Variants in HEMK2 observed in about 807,000 individuals in gnomAD.
HEMK2 encodes methyltransferase HEMK2.
At chr21:28,761,480 A>G in the HEMK2 span, among the ~76,000 whole-genome samples, 16,867 of 152,094 alleles carry the variant, frequency 0.11, 1,511 homozygotes, top group African/African-American at 0.23. Context: ...TCATTGTATC[A>G]TAGATTACAG....
At chr21:28,678,829 C>T in the HEMK2 span, among the ~76,000 whole-genome samples, 1 of 152,164 alleles carries the variant, frequency 6.6e-6, no homozygotes, top group African/African-American at 2.4e-5. Flanking sequence ...AAATCCTTTA[C>T]AGACAAGCAA....
At chr21:28,742,507 A>G in the HEMK2 span, among the ~76,000 whole-genome samples, 1 of 152,234 alleles carries the variant, frequency 6.6e-6, no homozygotes, top group Non-Finnish European at 1.5e-5. Flanking sequence ...GCTGGTAGCT[A>G]GAATAATGAT....
At chr21:28,847,007 G>A in the HEMK2 span, among the ~76,000 whole-genome samples, 1 of 152,072 alleles carries the variant, frequency 6.6e-6, no homozygotes, top group Non-Finnish European at 1.5e-5. Flanking sequence ...TGGTATATAT[G>A]TACCATATTT....
chr21:28,615,933 A>T, the HEMK2 span, among the ~76,000 whole-genome samples: 2 of 152,224 alleles, frequency 1.3e-5, no homozygotes, highest in African/African-American at 2.4e-5. Flanking sequence ...GTATGAAAAC[A>T]AGTCAAAAGT....
chr21:28,775,410 G>A, the HEMK2 span, among the ~76,000 whole-genome samples: 1 of 152,252 alleles, frequency 6.6e-6, no homozygotes, highest in Admixed American at 6.5e-5. Flanking sequence ...TGGATATACA[G>A]GTCTTGAGCT....
the HEMK2 span, among the ~76,000 whole-genome samples, chr21:28,750,959 G>T: frequency 6.6e-6 from 1 of 152,104 alleles, no homozygotes; most frequent in Admixed American, 6.5e-5. Context: ...GGCCAGGTGC[G>T]GTGGCTCACG....
chr21:28,616,610 T>C, the HEMK2 span, among the ~76,000 whole-genome samples: 19,278 of 152,218 alleles, frequency 0.13, 2,107 homozygotes, highest in East Asian at 0.59. Flanking sequence ...TACGCCATTG[T>C]AGGAAAGCTC....
chr21:28,617,304 G>C, the HEMK2 span, among the ~76,000 whole-genome samples: 1 of 152,186 alleles, frequency 6.6e-6, no homozygotes, highest in Non-Finnish European at 1.5e-5. Context: ...GAGGGAGGCA[G>C]GGAGAACAGT....
chr21:28,595,457 T>A, the HEMK2 span, among the ~76,000 whole-genome samples: 1 of 152,234 alleles, frequency 6.6e-6, no homozygotes, highest in Non-Finnish European at 1.5e-5. Flanking sequence ...GCCTGGCTTA[T>A]TTAGCTTAAC....
chr21:28,831,522 AGAAG>A, the HEMK2 span, among the ~76,000 whole-genome samples: 175 of 51,552 alleles, frequency 3.4e-3, 2 homozygotes, highest in Middle Eastern at 9.1e-3. Flanking sequence ...AAAGAAAGAA[AGAAG>A]GAAAGAAGGA....
chr21:28,825,528 G>A, the HEMK2 span, among the ~76,000 whole-genome samples: 1 of 152,186 alleles, frequency 6.6e-6, no homozygotes, highest in Admixed American at 6.5e-5. Flanking sequence ...AACATGGCAG[G>A]ACCAGGCTAA....
chr21:28,818,108 G>A, the HEMK2 span, among the ~76,000 whole-genome samples: 1 of 152,124 alleles, frequency 6.6e-6, no homozygotes, highest in Non-Finnish European at 1.5e-5. Context: ...GGGAAAGGGA[G>A]ATCCACCCTC....
At chr21:28,730,577 G>A in the HEMK2 span, among the ~76,000 whole-genome samples, 1 of 152,124 alleles carries the variant, frequency 6.6e-6, no homozygotes, top group Admixed American at 6.5e-5. Flanking sequence ...GTGGCTATTG[G>A]CAGGAATTAG....
chr21:28,843,832 C>G, the HEMK2 span, among the ~76,000 whole-genome samples: 52 of 152,180 alleles, frequency 3.4e-4, no homozygotes, highest in African/African-American at 1.2e-3. Flanking sequence ...TGAAGGGCAT[C>G]CAGCTTCACA....
chr21:28,768,261 A>T, the HEMK2 span, among the ~76,000 whole-genome samples: 2 of 152,050 alleles, frequency 1.3e-5, no homozygotes, highest in South Asian at 4.1e-4. Context: ...TCCTCTACCT[A>T]ACCTAACTCT....
the HEMK2 span, among the ~76,000 whole-genome samples, chr21:28,838,972 A>AAAAAAAAAAATATATAT: frequency 3.4e-5 from 1 of 29,164 alleles, no homozygotes; most frequent in Non-Finnish European, 5.6e-5. Flanking sequence ...AAAAAAAAAA[A>AAAAAAAAAAATATATAT]ATATATATAT....
chr21:28,882,093 T>C, the HEMK2 span: 1 of 1,268,470 alleles, frequency 7.9e-7, no homozygotes, highest in Admixed American at 2.5e-5. Flanking sequence ...TTACCAAAGT[T>C]TCTTTGACCT....
chr21:28,659,802 G>A, the HEMK2 span, among the ~76,000 whole-genome samples: 1 of 151,888 alleles, frequency 6.6e-6, no homozygotes, highest in African/African-American at 2.4e-5. Flanking sequence ...GCTATCTTTG[G>A]TCTCTTGCCT....
At chr21:28,880,744 A>G in the HEMK2 span, among the ~76,000 whole-genome samples, 3 of 149,242 alleles carry the variant, frequency 2.0e-5, no homozygotes, top group African/African-American at 5.0e-5. Flanking sequence ...CTGTGTCTCA[A>G]AAAAAAAAAG....
Sources: gnomAD v4.1 joint callset for allele counts (sites outside exome capture counted in the v4.1 genomes callset) on GRCh38, gnomAD v4.1.1 for gene constraint, MANE v1.5 for transcripts, NCBI Gene and HGNC (gene_info 2026-07-23, HGNC 2026-07-21) for gene names.